The following GALNT13 variants were observed in gnomAD, a reference collection of about 807,000 sequenced individuals.
GALNT13 encodes the protein UDP-GalNAc:polypeptide N-acetylgalactosaminyltransferase 13.
GALNT13 carries 28 observed loss-of-function variants against 64.2 expected under a neutral mutation model. The ratio of observed to expected loss-of-function variants is 0.44; its 90% CI spans 0.32 to 0.60. The LOEUF (loss-of-function observed/expected upper bound fraction) is 0.60. Ranked by LOEUF, GALNT13 falls within the 20% of genes least tolerant of loss-of-function variation. The pLI is 0.05. For synonymous variants in GALNT13, 214 were observed against 224.6 expected (o/e 0.95, Z 0.42); for missense variants, 577 against 669.8 (o/e 0.86, Z 1.53).
chr2:153,231,947 G>C, the GALNT13 span, among the ~76,000 whole-genome samples: 3 of 152,056 alleles, frequency 2.0e-5, no homozygotes, highest in African/African-American at 7.2e-5. Context: ...CTTGTCTCCC[G>C]ATTGCATATG....
chr2:153,445,059 C>T, the GALNT13 span, among the ~76,000 whole-genome samples: 3 of 152,150 alleles, frequency 2.0e-5, no homozygotes, highest in Admixed American at 6.5e-5. Flanking sequence ...TAGCAATTGA[C>T]AGTGTCAATC....
At chr2:153,943,861 C>T (rs967495588) in intron 2 of GALNT13, among the ~76,000 whole-genome samples, 5 of 152,186 alleles carry the variant, frequency 3.3e-5, no homozygotes, top group African/African-American at 9.7e-5. Flanking sequence ...ACATAATCCT[C>T]ATAACAAATG....
the GALNT13 span, among the ~76,000 whole-genome samples, chr2:153,081,226 T>A: frequency 6.6e-6 from 1 of 151,762 alleles, no homozygotes; most frequent in East Asian, 1.9e-4. Context: ...TTTTTATTTT[T>A]AATTTTTTTT....
chr2:154,153,003 C>T lies in GALNT13; in HGVS notation c.311+12498C>T, dbSNP rs528971507. Among the ~76,000 whole-genome samples, 82 of 152,230 alleles carry T rather than the reference C, an allele frequency of 5.4e-4. 1 individual carries two copies. Among genetic ancestry groups the T allele is most frequent in the African/African-American group, 1.6e-3 (67 of 41,532 alleles). ...CTGCGTTCCTTTGGAGGAGGAGAGGCGCTCTGCTTTTTAGAGTTTCCAGTT... is the reference window on the plus strand; with the variant it reads ...CTGCGTTCCTTTGGAGGAGGAGAGGTGCTCTGCTTTTTAGAGTTTCCAGTT... On this transcript the variant is annotated intron_variant, in intron 4 of 12. Transcript: ENST00000392825.
the GALNT13 span, among the ~76,000 whole-genome samples, chr2:153,350,611 G>C: frequency 6.6e-6 from 1 of 151,934 alleles, no homozygotes; most frequent in Non-Finnish European, 1.5e-5. Flanking sequence ...TCGAACTCCT[G>C]ACTTCAGGTG....
At chr2:153,257,856 G>C in the GALNT13 span, among the ~76,000 whole-genome samples, 1 of 152,164 alleles carries the variant, frequency 6.6e-6, no homozygotes, top group African/African-American at 2.4e-5. Flanking sequence ...CCAAGGCTTT[G>C]ACTGGAATGG....
At chr2:153,132,496 C>A in the GALNT13 span, among the ~76,000 whole-genome samples, 45 of 152,178 alleles carry the variant, frequency 3.0e-4, no homozygotes, top group African/African-American at 1.1e-3. Flanking sequence ...GAAATACTAG[C>A]CCAACAGAAT....
the GALNT13 span, among the ~76,000 whole-genome samples, chr2:153,366,347 C>T: frequency 6.6e-6 from 1 of 152,026 alleles, no homozygotes; most frequent in Non-Finnish European, 1.5e-5. Flanking sequence ...CCATGGCACA[C>T]ATTTACCATG....
chr2:153,281,019 T>C, the GALNT13 span, among the ~76,000 whole-genome samples: 1 of 152,232 alleles, frequency 6.6e-6, no homozygotes, highest in Admixed American at 6.5e-5. Flanking sequence ...CTAGAAGTAC[T>C]CATTTTATGG....
At chr2:153,275,618 GTC>G in the GALNT13 span, among the ~76,000 whole-genome samples, 5 of 133,574 alleles carry the variant, frequency 3.7e-5, no homozygotes, top group East Asian at 9.9e-4. Context: ...GACTGATAAT[GTC>G]TCTCTCTTTC....
At chr2:153,560,921 G>T in the GALNT13 span, among the ~76,000 whole-genome samples, 1 of 152,046 alleles carries the variant, frequency 6.6e-6, no homozygotes, top group Admixed American at 6.5e-5. Context: ...CCTTTATGTA[G>T]TTGAATATTC....
At chr2:153,415,735 T>C in the GALNT13 span, among the ~76,000 whole-genome samples, 3 of 152,188 alleles carry the variant, frequency 2.0e-5, no homozygotes, top group African/African-American at 7.2e-5. Context: ...TACTGTAAAC[T>C]AAATACACAA....
At chr2:153,949,290 C>A (rs1691999383) in intron 3 of GALNT13, among the ~76,000 whole-genome samples, 1 of 151,976 alleles carries the variant, frequency 6.6e-6, no homozygotes, top group Non-Finnish European at 1.5e-5. Flanking sequence ...AATATATATT[C>A]AACTGAAAAG....
At chr2:153,225,220 G>T in the GALNT13 span, among the ~76,000 whole-genome samples, 7 of 152,030 alleles carry the variant, frequency 4.6e-5, no homozygotes, top group Admixed American at 1.3e-4. Flanking sequence ...AATTAAAGAA[G>T]AAAAATCATA....
At chr2:154,262,365 G>C (rs1173975028) in intron 8 of GALNT13, among the ~76,000 whole-genome samples, 4 of 152,116 alleles carry the variant, frequency 2.6e-5, no homozygotes, top group Non-Finnish European at 5.9e-5. Context: ...GCAAATACAA[G>C]CTTCCTCCAC....
At chr2:154,440,113 T>A (rs1185290644) in intron 12 of GALNT13, among the ~76,000 whole-genome samples, 2 of 152,208 alleles carry the variant, frequency 1.3e-5, no homozygotes, top group Non-Finnish European at 2.9e-5. Context: ...GTAAGTGATA[T>A]TTGTTTTTAA....
chr2:153,274,662 G>A, the GALNT13 span, among the ~76,000 whole-genome samples: 1 of 152,132 alleles, frequency 6.6e-6, no homozygotes, highest in Non-Finnish European at 1.5e-5. Flanking sequence ...TCTGCATTTG[G>A]AGTCTCTCCT....
chr2:153,627,069 C>G, the GALNT13 span, among the ~76,000 whole-genome samples: 1 of 152,164 alleles, frequency 6.6e-6, no homozygotes, highest in African/African-American at 2.4e-5. Context: ...TTTTTCTTCT[C>G]TCTAGTCTTT....
intron 8 of GALNT13, among the ~76,000 whole-genome samples, chr2:154,291,965 C>A (rs1386418916): frequency 6.6e-6 from 1 of 152,244 alleles, no homozygotes; most frequent in East Asian, 1.9e-4. Context: ...GCCGAGCCCT[C>A]TGTAAAGACT....
Sources: gnomAD v4.1 joint callset for allele counts (sites outside exome capture counted in the v4.1 genomes callset) on GRCh38, gnomAD v4.1.1 for gene constraint, MANE v1.5 for transcripts, NCBI Gene and HGNC (gene_info 2026-07-23, HGNC 2026-07-21) for gene names.